Variants in FA2H observed in about 807,000 individuals in gnomAD.
FA2H encodes fatty acid alpha-hydroxylase.
A neutral mutation model predicts 44.9 loss-of-function variants in FA2H; 22 were observed. The observed-to-expected ratio is 0.49, with a 90% confidence interval of 0.35 to 0.70. The LOEUF is 0.70. FA2H is among the 30% of genes least tolerant of loss of function. The pLI is 0.01. For synonymous variants in FA2H, 243 were observed against 213.2 expected (o/e 1.14, Z -1.22); for missense variants, 501 against 504.9 (o/e 0.99, Z 0.07).
Position 74,753,400 on chromosome 16 carries a change from C to T in FA2H, c.271-13285G>A, listed in dbSNP as rs114692498. Among the ~76,000 whole-genome samples the T allele has an allele frequency of 1.2e-3, 181 of 152,270 alleles. 1 individual carries two copies. Among genetic ancestry groups the T allele is most frequent in the African/African-American group, 4.1e-3 (171 of 41,546 alleles). ...GGATGTGGCTTCTTTAATAACCCCA[C>T]GAACAGCAGGGCGAGGTGGCTCATG... On this transcript the variant is annotated intron_variant, in intron 1 of 6. Coordinates refer to ENST00000219368, the MANE Select transcript of FA2H (RefSeq NM_024306.5).
intron 4 of FA2H, among the ~76,000 whole-genome samples, chr16:74,721,889 T>G (rs1056544113): frequency 1.3e-5 from 2 of 152,218 alleles, no homozygotes; most frequent in Non-Finnish European, 2.9e-5. Context: ...ACGCGGGCGC[T>G]GGATGATCAG....
intron 1 of FA2H, among the ~76,000 whole-genome samples, chr16:74,750,529 T>C (rs1962508815): frequency 6.6e-6 from 1 of 152,196 alleles, no homozygotes; most frequent in African/African-American, 2.4e-5. Context: ...ACTGTTTTAT[T>C]TAAAAAACCC....
chr16:74,717,637 G>T (rs118054363), intron 5 of FA2H, among the ~76,000 whole-genome samples: 1 of 152,226 alleles, frequency 6.6e-6, no homozygotes, highest in East Asian at 1.9e-4. Context: ...TCCTTAGATG[G>T]ATAGGTCTGG....
intron 1 of FA2H, among the ~76,000 whole-genome samples, chr16:74,756,923 TA>T (rs1210465088): frequency 6.6e-6 from 1 of 151,540 alleles, no homozygotes; most frequent in Admixed American, 6.6e-5. Context: ...AGCATACAAT[TA>T]TTAGTAGGAA....
At chr16:74,766,308 T>TAA (rs1178399123) in intron 1 of FA2H, among the ~76,000 whole-genome samples, 4 of 110,856 alleles carry the variant, frequency 3.6e-5, no homozygotes, top group African/African-American at 3.4e-5. Flanking sequence ...TCTGTCTCAA[T>TAA]AAAAAAAAAA....
chr16:74,746,926 G>A (rs1962434644), intron 1 of FA2H, among the ~76,000 whole-genome samples: 1 of 152,186 alleles, frequency 6.6e-6, no homozygotes, highest in Admixed American at 6.5e-5. Context: ...CCTCAGGTGG[G>A]GACTGGTTTC....
At position 74,714,140 on chromosome 16, in the gene FA2H, G is replaced by A. The variant is rs556409562; in HGVS notation, c.*50C>T. On this transcript the variant is annotated 3_prime_UTR_variant, in exon 7 of 7. Transcript: ENST00000219368. Reference sequence around the variant, plus strand: ...GGGGTCTGAATGGCGGGTGGGGGTCGGGAAGGGGCCAGGGCCGGGCTGAGG... The same window carrying A: ...GGGGTCTGAATGGCGGGTGGGGGTCAGGAAGGGGCCAGGGCCGGGCTGAGG... 5.3e-5 allele frequency: 64 copies of A among 1,217,114 alleles called. No individual in the cohort carries two copies. The highest frequency in any genetic ancestry group is 4.6e-4 in the African/African-American group (31 of 66,686). 75.4% of individuals were successfully genotyped at this position (1,217,114 alleles called of 1,614,324 possible).
intron 2 of FA2H, among the ~76,000 whole-genome samples, chr16:74,728,757 GT>G (rs1328249190): frequency 7.0e-6 from 1 of 143,610 alleles, no homozygotes; most frequent in African/African-American, 2.6e-5. Flanking sequence ...ATTTATTTGT[GT>G]TTGTAATATA....
At position 74,734,635 on chromosome 16, in the gene FA2H, G is replaced by A. The variant is rs184043022; in HGVS notation, c.363+5388C>T. On this transcript the variant is annotated intron_variant, in intron 2 of 6. Transcript: ENST00000219368. ...GCAGCCTGCTGCCCAGAGGGTGGGC[G>A]GAAGGGCATGGTGCCCCGGTAGAAG... Among the ~76,000 whole-genome samples, 331 of 152,332 alleles carry A rather than the reference G, an allele frequency of 2.2e-3. 8 individuals carry two copies. The highest frequency in any genetic ancestry group is 0.018 in the Admixed American group (275 of 15,304).
At chr16:74,768,444 G>A (rs985526151) in intron 1 of FA2H, among the ~76,000 whole-genome samples, 3 of 152,196 alleles carry the variant, frequency 2.0e-5, no homozygotes, top group Non-Finnish European at 4.4e-5. Context: ...CAGCAGGCCA[G>A]AGTGTAGAAG....
intron 2 of FA2H, among the ~76,000 whole-genome samples, chr16:74,735,267 G>C (rs1271947082): frequency 3.3e-5 from 5 of 152,112 alleles, no homozygotes; most frequent in African/African-American, 1.2e-4. Context: ...AGCCAGCAGC[G>C]GTCAGTGGGG....
chr16:74,714,778 A>C (rs1449985966), intron 6 of FA2H, among the ~76,000 whole-genome samples: 5 of 152,124 alleles, frequency 3.3e-5, no homozygotes, highest in Non-Finnish European at 5.9e-5. Flanking sequence ...AACTTCATTT[A>C]ATTCTGATGA....
intron 1 of FA2H, among the ~76,000 whole-genome samples, chr16:74,770,753 G>C (rs1436042348): frequency 6.6e-6 from 1 of 152,234 alleles, no homozygotes; most frequent in African/African-American, 2.4e-5. Flanking sequence ...CCCAGTGGAG[G>C]GCTGGGCTAG....
intron 1 of FA2H, among the ~76,000 whole-genome samples, chr16:74,755,883 A>C (rs1186181154): frequency 6.6e-6 from 1 of 152,058 alleles, no homozygotes; most frequent in African/African-American, 2.4e-5. Flanking sequence ...ATAGTTAAAA[A>C]AAAATCAACC....
intron 1 of FA2H, among the ~76,000 whole-genome samples, chr16:74,761,465 AG>A (rs554891484): frequency 7.5e-5 from 1 of 13,334 alleles, no homozygotes; most frequent in African/African-American, 3.0e-4. Flanking sequence ...AAAAAAAGAA[AG>A]AAAGAAAGAA....
At chr16:74,770,023 C>T (rs1664073105) in intron 1 of FA2H, among the ~76,000 whole-genome samples, 1 of 152,186 alleles carries the variant, frequency 6.6e-6, no homozygotes, top group Non-Finnish European at 1.5e-5. Context: ...CAAACGGGTC[C>T]AGGCCTTCTC....
intron 1 of FA2H, among the ~76,000 whole-genome samples, chr16:74,754,677 G>A (rs1182146786): frequency 1.3e-5 from 2 of 151,928 alleles, no homozygotes; most frequent in African/African-American, 4.8e-5. Context: ...ACAGGTGCAC[G>A]CCACCACATC....
chr16:74,761,571 G>A (rs956717609), intron 1 of FA2H, among the ~76,000 whole-genome samples: 2 of 152,122 alleles, frequency 1.3e-5, no homozygotes, highest in East Asian at 1.9e-4. Context: ...CTTTATCTGC[G>A]TTCCTGAAGA....
chr16:74,748,448 AC>A (rs907344000), intron 1 of FA2H, among the ~76,000 whole-genome samples: 1 of 152,302 alleles, frequency 6.6e-6, no homozygotes. Context: ...AAACTGAGGC[AC>A]AGGCGGCCCG....
Sources: allele counts gnomAD v4.1 joint callset (sites outside exome capture counted in the v4.1 genomes callset), GRCh38; gene constraint gnomAD v4.1.1; transcripts MANE v1.5; gene names NCBI Gene and HGNC (gene_info 2026-07-23, HGNC 2026-07-21).